Variants in SRD5A2 observed in about 807,000 individuals in gnomAD.
The protein encoded by SRD5A2 is 3-oxo-5-alpha-steroid 4-dehydrogenase 2.
A neutral mutation model predicts 27.4 loss-of-function variants in SRD5A2; 30 were observed. That is an observed-to-expected ratio of 1.10 (90% CI 0.82 to 1.49). The LOEUF (loss-of-function observed/expected upper bound fraction) is 1.49, where lower values mean the gene tolerates loss of function less well. Ranked by LOEUF, SRD5A2 falls within the 40% of genes most tolerant of loss-of-function variation. The pLI, the probability that SRD5A2 is intolerant of heterozygous loss-of-function variation, is 0.00. For synonymous variants in SRD5A2, 141 were observed against 133.6 expected, an observed-to-expected ratio of 1.06 and a Z score of -0.38; for missense variants, 348 against 323.4, an observed-to-expected ratio of 1.08 and a Z score of -0.58.
the SRD5A2 span, among the ~76,000 whole-genome samples, chr2:31,640,397 G>C: frequency 3.3e-5 from 5 of 151,906 alleles, no homozygotes; most frequent in African/African-American, 7.3e-5. Flanking sequence ...GTTTGTTATT[G>C]TTTCTTGTGA....
the SRD5A2 span, among the ~76,000 whole-genome samples, chr2:31,591,005 C>T: frequency 6.6e-6 from 1 of 152,166 alleles, no homozygotes; most frequent in Non-Finnish European, 1.5e-5. Flanking sequence ...CTAGGCAATA[C>T]CATTCAGGAC....
At chr2:31,630,479 A>G in the SRD5A2 span, among the ~76,000 whole-genome samples, 2 of 152,154 alleles carry the variant, frequency 1.3e-5, no homozygotes, top group African/African-American at 4.8e-5. Context: ...CTCCAATACT[A>G]CCTTGTTGTC....
chr2:31,598,356 T>A, the SRD5A2 span, among the ~76,000 whole-genome samples: 1 of 151,978 alleles, frequency 6.6e-6, no homozygotes, highest in African/African-American at 2.4e-5. Flanking sequence ...TGTACCCTGC[T>A]TGGATGATGA....
chr2:31,561,463 A>C (rs767028655), intron 1 of SRD5A2, among the ~76,000 whole-genome samples: 1 of 152,208 alleles, frequency 6.6e-6, no homozygotes, highest in Non-Finnish European at 1.5e-5. Context: ...GGTTTTAACT[A>C]TCTAATGGTC....
In SRD5A2 at chr2:31,522,555, T is replaced by G. The variant is rs1665679770; in HGVS notation, c.*3641A>C. 1.0e-5 allele frequency: 2 copies of G among 200,746 alleles called. No individual in the cohort carries two copies. Among genetic ancestry groups the G allele is most frequent in the South Asian group, 3.8e-4 (2 of 5,256 alleles). 12.4% of individuals were successfully genotyped at this position (200,746 alleles called of 1,614,324 possible). A position where few individuals can be genotyped will look rare whatever the true frequency, so the allele number is the denominator to read the frequency against. On this transcript the variant is annotated 3_prime_UTR_variant, in exon 5 of 5. Coordinates refer to ENST00000622030, the MANE Select transcript of SRD5A2 (RefSeq NM_000348.4). ...TCAAGCTAAGGTTGATGGGGAGAAA[T>G]GAGGCACAATGCAAATAACACAGAA...
intron 1 of SRD5A2, among the ~76,000 whole-genome samples, chr2:31,537,258 C>T (rs1666045699): frequency 6.6e-6 from 1 of 152,092 alleles, no homozygotes; most frequent in Non-Finnish European, 1.5e-5. Context: ...GTAATTACAC[C>T]TTTCTTGACC....
Position 31,523,874 on chromosome 2 carries a change from A to T in SRD5A2, c.*2322T>A, listed in dbSNP as rs76266838. 1.5e-3 allele frequency: 331 copies of T among 219,444 alleles called. 1 individual carries two copies. The highest frequency in any genetic ancestry group is 2.3e-3 in the Non-Finnish European group (254 of 109,354). 13.6% of individuals were successfully genotyped at this position (219,444 alleles called of 1,614,324 possible). ...TGTCATTGAACACAACAGCCCTAGA[A>T]CACTGAGAATACCTGAATTATCAAG... On this transcript the variant is annotated 3_prime_UTR_variant, in exon 5 of 5. Transcript: ENST00000622030.
intron 1 of SRD5A2, among the ~76,000 whole-genome samples, chr2:31,559,056 T>C (rs1047519641): frequency 6.6e-6 from 1 of 152,234 alleles, no homozygotes; most frequent in Admixed American, 6.5e-5. Flanking sequence ...AACTTGTTTA[T>C]ATGGCTGGGC....
the SRD5A2 span, among the ~76,000 whole-genome samples, chr2:31,593,049 G>C: frequency 6.6e-6 from 1 of 151,876 alleles, no homozygotes; most frequent in East Asian, 1.9e-4. Context: ...TCATAGATGG[G>C]AATTGAACAA....
At chr2:31,620,369 C>T in the SRD5A2 span, among the ~76,000 whole-genome samples, 4 of 152,032 alleles carry the variant, frequency 2.6e-5, no homozygotes, top group Non-Finnish European at 5.9e-5. Flanking sequence ...AAAGTGCATT[C>T]AAATAGGAAG....
the SRD5A2 span, among the ~76,000 whole-genome samples, chr2:31,643,431 T>C: frequency 6.6e-6 from 1 of 152,132 alleles, no homozygotes; most frequent in Non-Finnish European, 1.5e-5. Context: ...AATAGATAGA[T>C]AAATAGTCAA....
chr2:31,590,740 C>G, the SRD5A2 span, among the ~76,000 whole-genome samples: 4 of 152,072 alleles, frequency 2.6e-5, no homozygotes, highest in South Asian at 2.1e-4. Context: ...ACTTATAGAC[C>G]AATGGAACAG....
chr2:31,594,408 T>C, the SRD5A2 span, among the ~76,000 whole-genome samples: 1,381 of 152,250 alleles, frequency 9.1e-3, 20 homozygotes, highest in African/African-American at 0.032. Flanking sequence ...GCTATTCTTA[T>C]ATCAGACAAA....
chr2:31,573,773 C>T (rs1666899330), intron 1 of SRD5A2, among the ~76,000 whole-genome samples: 1 of 152,164 alleles, frequency 6.6e-6, no homozygotes, highest in African/African-American at 2.4e-5. Flanking sequence ...AGAACAGGTA[C>T]CACTGTGAGA....
At position 31,523,061 on chromosome 2, in the gene SRD5A2, CT is replaced by C; in HGVS notation, c.*3134del. 4.6e-6 allele frequency: 1 copy of C among 218,052 alleles called. No individual in the cohort carries two copies. The highest frequency in any genetic ancestry group is 9.2e-6 in the Non-Finnish European group (1 of 108,486). 13.5% of individuals were successfully genotyped at this position (218,052 alleles called of 1,614,324 possible). ...AATTGCGTATTTCTCATTAGAGCTC[CT>C]TTTTCCTTTTAGAATACAGTGGAGC... On this transcript the variant is annotated 3_prime_UTR_variant, in exon 5 of 5. Transcript: ENST00000622030.
At chr2:31,621,011 A>G in the SRD5A2 span, among the ~76,000 whole-genome samples, 1 of 148,994 alleles carries the variant, frequency 6.7e-6, no homozygotes, top group Non-Finnish European at 1.5e-5. Context: ...AGGGTCAGAT[A>G]GCAAATAATG....
In SRD5A2 at chr2:31,526,108, AC is replaced by A. The variant is rs1665774735; in HGVS notation, c.*87del. ...AGACCTACTATTACATATATACGGG[AC>A]TATTATATCATGAAAATTACAGTTT... is the stretch of plus-strand genomic sequence containing the variant. On this transcript the variant is annotated 3_prime_UTR_variant, in exon 5 of 5. Transcript: ENST00000622030. The A allele has an allele frequency of 1.1e-5, 9 of 812,036 alleles. No homozygotes were observed. The African/African-American group carries it at 1.7e-4, about 16-fold the overall frequency. 50.3% of individuals were successfully genotyped at this position (812,036 alleles called of 1,614,324 possible). A position where few individuals can be genotyped will look rare whatever the true frequency, so the allele number is the denominator to read the frequency against.
the SRD5A2 span, among the ~76,000 whole-genome samples, chr2:31,600,582 G>A: frequency 6.6e-6 from 1 of 151,732 alleles, no homozygotes; most frequent in South Asian, 2.1e-4. Flanking sequence ...TAATGATTGT[G>A]GATGTTGAGC....
chr2:31,602,445 A>G, the SRD5A2 span, among the ~76,000 whole-genome samples: 2 of 152,132 alleles, frequency 1.3e-5, no homozygotes, highest in Non-Finnish European at 2.9e-5. Flanking sequence ...ACGCTCATGG[A>G]TAGGAAGAAT....
Sources: gnomAD v4.1 joint callset for allele counts (sites outside exome capture counted in the v4.1 genomes callset) on GRCh38, gnomAD v4.1.1 for gene constraint, MANE v1.5 for transcripts, NCBI Gene and HGNC (gene_info 2026-07-23, HGNC 2026-07-21) for gene names.